Variants in CPNE5 observed in about 807,000 individuals in gnomAD.
CPNE5 encodes the protein copine 5.
Under a neutral mutation model 81.1 loss-of-function variants are expected in CPNE5, and 42 were observed. That is an observed-to-expected ratio of 0.52 (90% confidence interval 0.40 to 0.67). The LOEUF (loss-of-function observed/expected upper bound fraction) is 0.67. Among genes scored for constraint, CPNE5 ranks in the 30% least tolerant of loss-of-function variants. The probability of loss-of-function intolerance (pLI) is 0.00; values close to 1 mark genes in which losing one functional copy is unlikely to be tolerated. For missense variants in CPNE5, 612 were observed against 815.5 expected (o/e 0.75, Z 3.04); for synonymous variants, 313 against 321.5 (o/e 0.97, Z 0.28).
rs560623757 is a variant in CPNE5 at position 36,749,100 on chromosome 6, CT to C, written c.972-834del. Among the ~76,000 whole-genome samples, 877 of 149,666 alleles carry C rather than the reference CT, an allele frequency of 5.9e-3. 1 individual carries two copies. Among genetic ancestry groups the C allele is most frequent in the African/African-American group, 9.4e-3 (385 of 40,784 alleles). ...CACAGGCACGCACCACCACACCTGG[CT>C]TTTTTTTTTCTTTTTGCAGAGATGG... is the stretch of plus-strand genomic sequence containing the variant. On this transcript the variant is annotated intron_variant, in intron 14 of 20. Coordinates refer to ENST00000244751, the MANE Select transcript of CPNE5 (RefSeq NM_020939.2).
At chr6:36,827,647 C>T in intron 1 of CPNE5, 2 of 985,384 alleles carry the variant, frequency 2.0e-6, no homozygotes, top group Non-Finnish European at 2.4e-6. Flanking sequence ...AAGCGCCTTC[C>T]CCACTGATCC....
rs35760836 is a variant in CPNE5, at chr6:36,777,753, ACCC to A, written c.632+1098_632+1100del. On this transcript the variant is annotated intron_variant, in intron 9 of 20. Transcript: ENST00000244751. ...CCTCCTCCTCGCTGCTCCCCTGCCT[ACCC>A]CCCCCCCCACCACACACACACACAC... Among the ~76,000 whole-genome samples the A allele has an allele frequency of 4.5e-3, 515 of 113,714 alleles. 8 individuals are homozygous for A. The highest frequency in any genetic ancestry group is 6.0e-3 in the Non-Finnish European group (344 of 57,486). 74.6% of individuals were successfully genotyped at this position (113,714 alleles called of 152,430 possible).
intron 8 of CPNE5, among the ~76,000 whole-genome samples, chr6:36,791,443 A>C (rs1769082932): frequency 6.6e-6 from 1 of 152,142 alleles, no homozygotes; most frequent in Non-Finnish European, 1.5e-5. Flanking sequence ...CATTATTATT[A>C]ATTATGAGGT....
chr6:36,773,837 T>TAAG (rs1767256242), intron 10 of CPNE5, among the ~76,000 whole-genome samples: 1 of 152,112 alleles, frequency 6.6e-6, no homozygotes, highest in Non-Finnish European at 1.5e-5. Flanking sequence ...CAACATGTAA[T>TAAG]AAGAGTAGGC....
chr6:36,768,708 G>A lies in CPNE5; in HGVS notation c.738-3332C>T, dbSNP rs370259668. Among the ~76,000 whole-genome samples, 63 of 152,298 alleles carry A rather than the reference G, an allele frequency of 4.1e-4. No individual in the cohort carries two copies. In the South Asian group the frequency reaches 8.5e-3, roughly 21 times the overall value. Reference sequence around the variant, plus strand: ...CCAAGAGAACAGGCTTATTGGGTGTGGGAAAATGAAATGGGCTTCTGCAGA... The same window carrying A: ...CCAAGAGAACAGGCTTATTGGGTGTAGGAAAATGAAATGGGCTTCTGCAGA... On this transcript the variant is annotated intron_variant, in intron 10 of 20. Coordinates refer to ENST00000244751, the MANE Select transcript of CPNE5 (RefSeq NM_020939.2).
At chr6:36,767,634 G>A (rs1331863379) in intron 10 of CPNE5, among the ~76,000 whole-genome samples, 1 of 152,180 alleles carries the variant, frequency 6.6e-6, no homozygotes, top group Admixed American at 6.5e-5. Context: ...CAGCCCCTCG[G>A]GTGACTAGAT....
At position 36,827,999 on chromosome 6, in the gene CPNE5, C is replaced by T. The variant is rs373938907; in HGVS notation, c.96-4901G>A. 2.6e-5 allele frequency among the ~76,000 whole-genome samples: 4 copies of T among 152,172 alleles called. No homozygotes were observed. The East Asian group carries it at 7.7e-4, about 29-fold the overall frequency. ...CAAGAGCCCCTTTCCTCCCTGCTTC[C>T]CCTTGCGGAATCATTTCCAATTCAG... On this transcript the variant is annotated intron_variant, in intron 1 of 20. Transcript: ENST00000244751.
intron 4 of CPNE5, 137 bp downstream of exon 4, chr6:36,799,830 A>C: frequency 1.6e-6 from 1 of 639,952 alleles, no homozygotes; most frequent in Non-Finnish European, 2.8e-6. Context: ...ACTTCAGCTA[A>C]TTGTCACTTC....
At position 36,753,039 on chromosome 6, in the gene CPNE5, T is replaced by A. The variant is rs1641712957; in HGVS notation, c.966A>T (p.Lys322Asn). 6.2e-7 allele frequency: 1 copy of A among 1,611,492 alleles called. No individual in the cohort carries two copies. The highest frequency in any genetic ancestry group is 8.5e-7 in the Non-Finnish European group (1 of 1,177,990). Residue 322 changes from lysine to asparagine, a missense_variant, in exon 14 of 21, where the codon AAA becomes AAT. Lys to Asn is a moderately conservative substitution (Grantham distance 94). Coordinates refer to ENST00000244751, the MANE Select transcript of CPNE5 (RefSeq NM_020939.2). Reference protein sequence around the residue: ...ESECTFLDYIKGGTQINFTVA... With the variant: ...ESECTFLDYINGGTQINFTVA... ...TTGGCTGTATCTCTTCTCACCCTCCTTTGATGTAGTCAAGGAAGGTGCACT... is the reference window on the plus strand; with the variant it reads ...TTGGCTGTATCTCTTCTCACCCTCCATTGATGTAGTCAAGGAAGGTGCACT...
chr6:36,819,308 C>G (rs1291768045), intron 3 of CPNE5, among the ~76,000 whole-genome samples: 1 of 152,240 alleles, frequency 6.6e-6, no homozygotes. Context: ...CCATGTTGTC[C>G]AGGCTAGTCT....
At chr6:36,799,910 C>A in intron 4 of CPNE5, 57 bp downstream of exon 4, 1 of 1,290,210 alleles carries the variant, frequency 7.8e-7, no homozygotes, top group South Asian at 1.2e-5. Flanking sequence ...TGTGGTCCTA[C>A]CTGCCAGCAA....
intron 13 of CPNE5, 25 bp downstream of exon 13, chr6:36,756,220 T>A: frequency 6.2e-7 from 1 of 1,608,388 alleles, no homozygotes; most frequent in Non-Finnish European, 8.5e-7. Flanking sequence ...TACACCCGGC[T>A]GCAGAGACCG....
chr6:36,819,856 G>A (rs1771888874), intron 3 of CPNE5, among the ~76,000 whole-genome samples: 1 of 152,172 alleles, frequency 6.6e-6, no homozygotes, highest in African/African-American at 2.4e-5. Context: ...GGATGAGGCT[G>A]CCAAGGCCAA....
chr6:36,804,499 C>T (rs1304317774), intron 3 of CPNE5, among the ~76,000 whole-genome samples: 1 of 152,120 alleles, frequency 6.6e-6, no homozygotes, highest in African/African-American at 2.4e-5. Context: ...CAGGTAAACA[C>T]CCAGGTTTGA....
intron 4 of CPNE5, 55 bp downstream of exon 4, chr6:36,799,912 T>A (rs1191328243): frequency 2.0e-5 from 26 of 1,306,382 alleles, no homozygotes; most frequent in Non-Finnish European, 2.7e-5. Context: ...TGGTCCTACC[T>A]GCCAGCAATC....
At chr6:36,792,727 C>T (rs1414523540) in intron 7 of CPNE5, among the ~76,000 whole-genome samples, 1 of 152,200 alleles carries the variant, frequency 6.6e-6, no homozygotes, top group South Asian at 2.1e-4. Context: ...AGTCGGTCCA[C>T]CCCAGCACAT....
At chr6:36,830,220 C>T (rs1772870262) in intron 1 of CPNE5, among the ~76,000 whole-genome samples, 1 of 152,140 alleles carries the variant, frequency 6.6e-6, no homozygotes, top group Admixed American at 6.5e-5. Context: ...GGAGTGCTTG[C>T]ACTACCAAAG....
intron 1 of CPNE5, among the ~76,000 whole-genome samples, chr6:36,823,599 C>T (rs1055434025): frequency 1.2e-4 from 19 of 152,176 alleles, no homozygotes; most frequent in Admixed American, 7.2e-4. Flanking sequence ...CAGGGGAAGC[C>T]GACTCATTTG....
intron 3 of CPNE5, among the ~76,000 whole-genome samples, chr6:36,801,226 T>G (rs904428148): frequency 6.6e-6 from 1 of 152,230 alleles, no homozygotes; most frequent in African/African-American, 2.4e-5. Flanking sequence ...TTAGGCCAAA[T>G]CACTCCCCAT....
Sources: allele counts gnomAD v4.1 joint callset (sites outside exome capture counted in the v4.1 genomes callset), GRCh38; gene constraint gnomAD v4.1.1; transcripts MANE v1.5; gene names NCBI Gene and HGNC (gene_info 2026-07-23, HGNC 2026-07-21).